NRCAM: variants seen among roughly 807,000 people sequenced by gnomAD.
NRCAM encodes the protein neuronal cell adhesion molecule.
A neutral mutation model predicts 156.5 loss-of-function variants in NRCAM; 83 were observed. The ratio of observed to expected loss-of-function variants is 0.53; its 90% CI spans 0.44 to 0.64. The LOEUF (loss-of-function observed/expected upper bound fraction) is 0.64, where lower values mean the gene tolerates loss of function less well. NRCAM is among the 30% of genes least tolerant of loss of function. The probability of loss-of-function intolerance (pLI) is 0.00; values close to 1 mark genes in which losing one functional copy is unlikely to be tolerated. For missense variants in NRCAM, 1,417 were observed against 1,597.3 expected, an observed-to-expected ratio of 0.89 and a Z score of 1.92; for synonymous variants, 538 against 563.9, an observed-to-expected ratio of 0.95 and a Z score of 0.65.
At chr7:108,292,120 T>A (rs971229023) in intron 3 of NRCAM, among the ~76,000 whole-genome samples, 2 of 152,194 alleles carry the variant, frequency 1.3e-5, no homozygotes, top group Non-Finnish European at 2.9e-5. Flanking sequence ...AACTTTTATA[T>A]GAAATCAACT....
intron 24 of NRCAM, among the ~76,000 whole-genome samples, chr7:108,181,195 G>GGA (rs1554517681): frequency 3.4e-5 from 5 of 148,660 alleles, no homozygotes; most frequent in African/African-American, 1.2e-4. Flanking sequence ...ATGCTAGGGG[G>GGA]AAAAAAAAAA....
At position 108,239,989 on chromosome 7, in the gene NRCAM, T is replaced by C. The variant is rs773001621; in HGVS notation, c.76A>G (p.Met26Val). The C allele has an allele frequency of 3.1e-6, 5 of 1,613,124 alleles. No homozygotes were observed. The South Asian group carries it at 5.5e-5, about 18-fold the overall frequency. ...AGAGGTACTTCCAGTGCACTAATCA[T>C]CTGGCACAGGAAGAGAATCAGGGGC... ...RVPLILFLCQ[M>V]ISALEVPLDP... is the part of the protein sequence containing the mutation. The change falls in exon 4 of 33, where the codon ATG becomes GTG. Residue 26 changes from methionine to valine, a missense_variant. Transcript: ENST00000379028.
Position 108,221,487 on chromosome 7 carries a change from G to A in NRCAM, c.890+2238C>T, listed in dbSNP as rs141944548. On this transcript the variant is annotated intron_variant, in intron 11 of 32. Coordinates refer to ENST00000379028, the MANE Select transcript of NRCAM (RefSeq NM_001037132.4). ...TCAACAAGTGGATAAAGAAACTGTGGTATATATATATGTGATGGAATACTA... is the reference window on the plus strand; with the variant it reads ...TCAACAAGTGGATAAAGAAACTGTGATATATATATATGTGATGGAATACTA... 4.7e-3 allele frequency among the ~76,000 whole-genome samples: 721 copies of A among 152,108 alleles called. 10 individuals carry two copies. Among genetic ancestry groups the A allele is most frequent in the African/African-American group, 0.017 (694 of 41,476 alleles).
chr7:108,330,443 T>C (rs1404527124), intron 2 of NRCAM, among the ~76,000 whole-genome samples: 1 of 152,154 alleles, frequency 6.6e-6, no homozygotes, highest in Non-Finnish European at 1.5e-5. Flanking sequence ...GCACACTGCT[T>C]CACTACAGCT....
At chr7:108,311,781 A>G (rs1427899323) in intron 3 of NRCAM, among the ~76,000 whole-genome samples, 2 of 152,204 alleles carry the variant, frequency 1.3e-5, no homozygotes, top group Admixed American at 6.5e-5. Context: ...AAGAATTCTC[A>G]GTAACAAGAG....
At position 108,249,523 on chromosome 7, in the gene NRCAM, T is replaced by A. The variant is rs769236652; in HGVS notation, c.-106-9353A>T. On this transcript the variant is annotated intron_variant, in intron 3 of 32. Transcript: ENST00000379028. ...GAATATCTGCCTTTATAAAAAAAAA[T>A]AATCAACGAGTGGCCATTTGTTTGC... Among the ~76,000 whole-genome samples, 9 of 152,170 alleles carry A rather than the reference T, an allele frequency of 5.9e-5. 1 individual carries two copies. Among genetic ancestry groups the A allele is most frequent in the Non-Finnish European group, 1.3e-4 (9 of 68,012 alleles).
rs774474292 is a variant in NRCAM, at chr7:108,150,117, T to A, written c.3708A>T (p.Lys1236Asn). Reference protein sequence around the residue: ...SDAEDHKPLKKGSRTPSDRTV... With the variant: ...SDAEDHKPLKNGSRTPSDRTV... ...TCCTGTCTGAAGGAGTTCGACTTCC[T>A]TTTTTCAAAGGCTTGTGGTCTTCTG... The change falls in exon 33 of 33, where the codon AAA (lysine) becomes AAT (asparagine). Residue 1236 changes from lysine to asparagine, a missense_variant. By Grantham distance (94) the Lys-to-Asn change is moderately conservative. Coordinates refer to ENST00000379028, the MANE Select transcript of NRCAM (RefSeq NM_001037132.4). 3.7e-6 allele frequency: 6 copies of A among 1,611,584 alleles called. No homozygotes were observed. Among genetic ancestry groups the A allele is most frequent in the Non-Finnish European group, 3.4e-6 (4 of 1,179,308 alleles).
At chr7:108,257,018 A>G (rs2096703732) in intron 3 of NRCAM, among the ~76,000 whole-genome samples, 1 of 125,966 alleles carries the variant, frequency 7.9e-6, no homozygotes, top group Non-Finnish European at 1.7e-5. Context: ...AAAAAAAAAA[A>G]AGAAAAAGAA....
chr7:108,236,739 T>TCATTTTTTATTTGGACCA (rs2095057965), intron 5 of NRCAM, among the ~76,000 whole-genome samples: 1 of 152,062 alleles, frequency 6.6e-6, no homozygotes, highest in Non-Finnish European at 1.5e-5. Context: ...GATTCACCTC[T>TCATTTTTTATTTGGACCA]GAATGATCCT....
At chr7:108,278,081 G>A (rs552228819) in intron 3 of NRCAM, among the ~76,000 whole-genome samples, 5 of 152,268 alleles carry the variant, frequency 3.3e-5, no homozygotes, top group South Asian at 2.1e-4. Context: ...TGAACAGCAA[G>A]TATTGCTGCC....
rs948990107 is a variant in NRCAM, at chr7:108,178,706, T to C, written c.2852-594A>G. 4.6e-5 allele frequency among the ~76,000 whole-genome samples: 7 copies of C among 152,186 alleles called. No homozygotes were observed. The East Asian group carries it at 1.3e-3, about 29-fold the overall frequency. Reference sequence around the variant, plus strand: ...GGCCCGAGGGGTCTCAGGTTCTCTGTGGCAGAGGCTGGCAAATCACCAGAG... The same window carrying C: ...GGCCCGAGGGGTCTCAGGTTCTCTGCGGCAGAGGCTGGCAAATCACCAGAG... On this transcript the variant is annotated intron_variant, in intron 25 of 32. Coordinates refer to ENST00000379028, the MANE Select transcript of NRCAM (RefSeq NM_001037132.4).
intron 11 of NRCAM, among the ~76,000 whole-genome samples, chr7:108,215,212 A>AT (rs71137615): frequency 0.032 from 4,098 of 126,492 alleles, 181 homozygotes; most frequent in African/African-American, 0.092. Context: ...GTGTCCCACT[A>AT]TTTTTTTTTT....
At position 108,148,406 on chromosome 7, in the gene NRCAM, C is replaced by T; in HGVS notation, c.*1504G>A. 6.5e-6 allele frequency: 1 copy of T among 152,702 alleles called. No homozygotes were observed. The highest frequency in any genetic ancestry group is 2.1e-4 in the South Asian group (1 of 4,822). 9.5% of individuals were successfully genotyped at this position (152,702 alleles called of 1,614,324 possible). A position where few individuals can be genotyped will look rare whatever the true frequency, so the allele number is the denominator to read the frequency against. On this transcript the variant is annotated 3_prime_UTR_variant, in exon 33 of 33. Coordinates refer to ENST00000379028, the MANE Select transcript of NRCAM (RefSeq NM_001037132.4). ...AAATATCTACATATAAAAAGCTTTA[C>T]TTAAAATTAAACTTGATGCAAGTTA... is the stretch of plus-strand genomic sequence containing the variant.
chr7:108,263,986 CTT>C (rs2096983789), intron 3 of NRCAM, among the ~76,000 whole-genome samples: 1 of 151,846 alleles, frequency 6.6e-6, no homozygotes, highest in African/African-American at 2.4e-5. Flanking sequence ...GCTTTAGCAT[CTT>C]TGTTTCTTTT....
rs58111040 is a variant in NRCAM, at chr7:108,155,101, T to TACACACACACACAC, written c.3677+4348_3677+4361dup. 6.5e-5 allele frequency among the ~76,000 whole-genome samples: 8 copies of TACACACACACACAC among 123,120 alleles called. No individual in the cohort carries two copies. The South Asian group carries it at 7.9e-4, about 12-fold the overall frequency. The allele number at this position is 123,120 out of a possible 152,430, so 80.8% of individuals were successfully genotyped here. A position where few individuals can be genotyped will look rare whatever the true frequency, so the allele number is the denominator to read the frequency against. The stretch of plus-strand genomic sequence containing the variant: ...GATTTAAAAGTCATATATATATATA[T>TACACACACACACAC]ACACACACACACACACACACACACA... On this transcript the variant is annotated intron_variant, in intron 32 of 32. Coordinates refer to ENST00000379028, the MANE Select transcript of NRCAM (RefSeq NM_001037132.4).
At chr7:108,163,172 AT>A in intron 30 of NRCAM, among the ~76,000 whole-genome samples, 1 of 152,334 alleles carries the variant, frequency 6.6e-6, no homozygotes, top group East Asian at 1.9e-4. Flanking sequence ...TAACAATAAA[AT>A]TATATTCATG....
intron 18 of NRCAM, 132 bp from the exon 19 acceptor site, chr7:108,191,415 A>C (rs1341301947): frequency 1.4e-6 from 1 of 692,426 alleles, no homozygotes; most frequent in African/African-American, 1.8e-5. Flanking sequence ...TGTGAGACAC[A>C]GCATTGATAA....
At chr7:108,211,371 C>G (rs894351275) in intron 11 of NRCAM, among the ~76,000 whole-genome samples, 14 of 152,098 alleles carry the variant, frequency 9.2e-5, no homozygotes, top group South Asian at 2.1e-4. Flanking sequence ...TTGAACCAGA[C>G]GAGAAACCTC....
At chr7:108,217,082 C>T (rs2089546606) in intron 11 of NRCAM, among the ~76,000 whole-genome samples, 2 of 152,062 alleles carry the variant, frequency 1.3e-5, no homozygotes, top group African/African-American at 4.8e-5. Context: ...ATGTTGGTGA[C>T]CCCTTCATAT....
Sources: allele counts gnomAD v4.1 joint callset (sites outside exome capture counted in the v4.1 genomes callset), GRCh38; gene constraint gnomAD v4.1.1; transcripts MANE v1.5; gene names NCBI Gene and HGNC (gene_info 2026-07-23, HGNC 2026-07-21).